The following CSMD2 variants were observed in gnomAD, a reference collection of about 807,000 sequenced individuals.
The protein encoded by CSMD2 is CUB and sushi domain-containing protein 2.
A neutral mutation model predicts 398.5 loss-of-function variants in CSMD2; 130 were observed. The ratio of observed to expected loss-of-function variants is 0.33; its 90% confidence interval spans 0.28 to 0.38. CSMD2 has a LOEUF of 0.38. Among genes scored for constraint, CSMD2 ranks in the 10% least tolerant of loss-of-function variants. CSMD2 has a pLI of 1.00. For missense variants in CSMD2, 3,829 were observed against 4,764.9 expected (o/e 0.80, Z 5.78); for synonymous variants, 1,828 against 1,908.5 (o/e 0.96, Z 1.10).
intron 1 of CSMD2, among the ~76,000 whole-genome samples, chr1:34,136,949 C>T (rs9426000): frequency 0.54 from 81,508 of 151,846 alleles, 22,365 homozygotes; most frequent in Middle Eastern, 0.61. Context: ...TCTTTCCATT[C>T]ACTCATCCAT....
intron 44 of CSMD2, among the ~76,000 whole-genome samples, chr1:33,589,686 GT>G (rs1639302115): frequency 6.6e-6 from 1 of 152,076 alleles, no homozygotes; most frequent in Non-Finnish European, 1.5e-5. Flanking sequence ...ATTGCATACT[GT>G]ACCATCCACA....
chr1:33,977,310 G>A (rs994665336), intron 3 of CSMD2, among the ~76,000 whole-genome samples: 8 of 151,946 alleles, frequency 5.3e-5, no homozygotes, highest in African/African-American at 1.9e-4. Flanking sequence ...GTGGGAACAG[G>A]AGATTCAACC....
chr1:34,044,591 A>G (rs575902919), intron 2 of CSMD2, among the ~76,000 whole-genome samples: 32 of 152,324 alleles, frequency 2.1e-4, no homozygotes, highest in Middle Eastern at 3.4e-3. Context: ...TCTGAAACCC[A>G]GAGTGACCAA....
intron 6 of CSMD2, among the ~76,000 whole-genome samples, chr1:33,829,601 G>C (rs538648896): frequency 6.6e-6 from 1 of 152,174 alleles, no homozygotes; most frequent in South Asian, 2.1e-4. Context: ...GGTGATTTCT[G>C]CATTTCCATC....
chr1:34,050,918 A>C (rs1300323701), intron 2 of CSMD2, among the ~76,000 whole-genome samples: 3 of 152,132 alleles, frequency 2.0e-5, no homozygotes, highest in Non-Finnish European at 2.9e-5. Flanking sequence ...AGCATATGCT[A>C]TGCTAGCCCA....
At chr1:33,709,538 C>A (rs765056825) in intron 21 of CSMD2, 21 of 481,054 alleles carry the variant, frequency 4.4e-5, no homozygotes, top group Non-Finnish European at 7.2e-5. Context: ...CACCAGGCAT[C>A]CTTTACAATT....
intron 2 of CSMD2, among the ~76,000 whole-genome samples, chr1:34,039,995 T>C (rs1191150832): frequency 6.6e-6 from 1 of 151,932 alleles, no homozygotes; most frequent in Non-Finnish European, 1.5e-5. Context: ...TCTATAAAAA[T>C]GTTTTCAAAA....
chr1:33,769,469 T>C (rs1283990750), intron 13 of CSMD2, among the ~76,000 whole-genome samples: 1 of 152,224 alleles, frequency 6.6e-6, no homozygotes, highest in African/African-American at 2.4e-5. Flanking sequence ...GCAAAGAAGC[T>C]AGCTCCACCT....
chr1:33,755,792 T>A (rs1277780770), intron 13 of CSMD2, among the ~76,000 whole-genome samples: 1 of 151,970 alleles, frequency 6.6e-6, no homozygotes, highest in Admixed American at 6.6e-5. Context: ...ACTATAGGTG[T>A]GTGCCACTAT....
intron 29 of CSMD2, among the ~76,000 whole-genome samples, chr1:33,637,557 C>A (rs555052478): frequency 1.3e-5 from 2 of 152,178 alleles, no homozygotes; most frequent in Non-Finnish European, 2.9e-5. Flanking sequence ...AGCCCATGCT[C>A]ACGCTTCTAT....
At chr1:33,905,366 T>C (rs6425860) in intron 5 of CSMD2, among the ~76,000 whole-genome samples, 54,672 of 152,084 alleles carry the variant, frequency 0.36, 11,440 homozygotes, top group East Asian at 0.59. Flanking sequence ...GGTAACCAGC[T>C]ACATGGTTTC....
At chr1:33,995,409 G>A (rs925967126) in intron 3 of CSMD2, among the ~76,000 whole-genome samples, 2 of 152,210 alleles carry the variant, frequency 1.3e-5, no homozygotes, top group Admixed American at 1.3e-4. Context: ...ACAGGGCCTA[G>A]TGGCTTCAGG....
At position 33,939,612 on chromosome 1, in the gene CSMD2, G is replaced by A. The variant is rs551084782; in HGVS notation, c.518-3658C>T. On this transcript the variant is annotated intron_variant, in intron 3 of 70. Coordinates refer to ENST00000373381, the MANE Select transcript of CSMD2 (RefSeq NM_001281956.2). ...CTTTCTTCCTTCGAAATTAATGACT[G>A]GAACATCACTATAAATAAAAGTCGA... Among the ~76,000 whole-genome samples the A allele has an allele frequency of 5.3e-5, 8 of 152,232 alleles. No individual in the cohort carries two copies. In the East Asian group the frequency reaches 1.5e-3, roughly 29 times the overall value.
In CSMD2 at chr1:33,940,454, G is replaced by A. The variant is rs142922859; in HGVS notation, c.518-4500C>T. Among the ~76,000 whole-genome samples, 333 of 151,920 alleles carry A rather than the reference G, an allele frequency of 2.2e-3. 2 individuals are homozygous for A. Among genetic ancestry groups the A allele is most frequent in the Middle Eastern group, 0.014 (4 of 294 alleles). Reference sequence around the variant, plus strand: ...ATACCTACCCCTGAGTGCCTAGTACGTTTCAGGTCCTGGACTAAAAGCTTA... The same window carrying A: ...ATACCTACCCCTGAGTGCCTAGTACATTTCAGGTCCTGGACTAAAAGCTTA... On this transcript the variant is annotated intron_variant, in intron 3 of 70. Coordinates refer to ENST00000373381, the MANE Select transcript of CSMD2 (RefSeq NM_001281956.2).
intron 7 of CSMD2, 144 bp from the exon 8 acceptor site, chr1:33,820,700 G>T: frequency 1.6e-6 from 1 of 625,962 alleles, no homozygotes; most frequent in Non-Finnish European, 2.8e-6. Flanking sequence ...GGCTGTGTGG[G>T]GTGGCCGGAG....
intron 48 of CSMD2, among the ~76,000 whole-genome samples, chr1:33,578,603 A>G (rs2487750): frequency 0.59 from 90,284 of 151,900 alleles, 28,500 homozygotes; most frequent in African/African-American, 0.82. Context: ...AAAAAAAACA[A>G]AACAAAAAAT....
intron 39 of CSMD2, among the ~76,000 whole-genome samples, chr1:33,616,466 G>A (rs973219371): frequency 1.8e-4 from 27 of 152,202 alleles, no homozygotes; most frequent in African/African-American, 5.1e-4. Context: ...TCGAACTCCT[G>A]ACTTCAAGTG....
At chr1:34,142,609 A>G (rs1290517354) in intron 1 of CSMD2, among the ~76,000 whole-genome samples, 1 of 152,218 alleles carries the variant, frequency 6.6e-6, no homozygotes, top group African/African-American at 2.4e-5. Context: ...CTTGCATGAA[A>G]TTGTATCAGG....
rs778206607 is a variant in CSMD2, at chr1:33,580,876, G to A, written c.7264C>T (p.Leu2422=). ...FDGPSGQSPL[L]KALSGNYSAP... Reference sequence around the variant, plus strand: ...GAGTAATTCCCACTGAGGGCTTTCAGCAGAGGACTCTGTCCTGATGGACCT... The same window carrying A: ...GAGTAATTCCCACTGAGGGCTTTCAACAGAGGACTCTGTCCTGATGGACCT... Residue 2422 remains leucine (L), a synonymous_variant, in exon 48 of 71, where the codon CTG becomes TTG. Transcript: ENST00000373381. 5.0e-6 allele frequency: 8 copies of A among 1,614,162 alleles called. No homozygotes were observed. The highest frequency in any genetic ancestry group is 6.8e-6 in the Non-Finnish European group (8 of 1,180,018).
Sources: allele counts gnomAD v4.1 joint callset (sites outside exome capture counted in the v4.1 genomes callset), GRCh38; gene constraint gnomAD v4.1.1; transcripts MANE v1.5; gene names NCBI Gene and HGNC (gene_info 2026-07-23, HGNC 2026-07-21).